The following TMEM131 variants were observed in gnomAD, a reference collection of about 807,000 sequenced individuals.
TMEM131 encodes 2610524E03Rik.
In TMEM131, 66 loss-of-function variants were observed where a neutral mutation model predicts 211.6. That is an observed-to-expected ratio of 0.31 (90% CI 0.26 to 0.38). The LOEUF is 0.38. Ranked by LOEUF, TMEM131 falls within the 10% of genes least tolerant of loss-of-function variation. TMEM131 has a pLI of 1.00. For missense variants in TMEM131, 2,036 were observed against 2,299.3 expected (o/e 0.89, Z 2.34); for synonymous variants, 844 against 841.3 (o/e 1.00, Z -0.06).
intron 4 of TMEM131, among the ~76,000 whole-genome samples, chr2:97,876,957 C>A (rs1006334368): frequency 1.3e-5 from 2 of 152,144 alleles, no homozygotes; most frequent in African/African-American, 4.8e-5. Flanking sequence ...AAAACCCCAT[C>A]GACTCAGCCC....
intron 31 of TMEM131, 53 bp downstream of exon 31, chr2:97,792,333 G>A (rs1012892882): frequency 1.1e-5 from 15 of 1,402,998 alleles, no homozygotes; most frequent in South Asian, 5.8e-5. Flanking sequence ...CCTTAAGCAC[G>A]CACTGGCTTT....
At chr2:97,889,399 A>G (rs956749783) in intron 3 of TMEM131, among the ~76,000 whole-genome samples, 3 of 152,104 alleles carry the variant, frequency 2.0e-5, no homozygotes, top group Non-Finnish European at 4.4e-5. Context: ...CTTAGATGTT[A>G]TGTAACAAAA....
At chr2:97,834,990 T>C (rs752738475) in intron 8 of TMEM131, 65 bp from the exon 9 acceptor site, 3 of 1,557,522 alleles carry the variant, frequency 1.9e-6, no homozygotes, top group Non-Finnish European at 2.6e-6. Context: ...CCATTTTTTA[T>C]TGAACTGGAT....
chr2:97,889,127 A>G (rs926602108), intron 3 of TMEM131, among the ~76,000 whole-genome samples: 12 of 152,252 alleles, frequency 7.9e-5, no homozygotes, highest in African/African-American at 2.7e-4. Context: ...AAATAATCTG[A>G]GTAGTGGAAT....
At chr2:97,818,475 G>A in intron 12 of TMEM131, 138 bp downstream of exon 12, 2 of 333,560 alleles carry the variant, frequency 6.0e-6, no homozygotes, top group Middle Eastern at 9.3e-4. Flanking sequence ...GGGGGGGGCG[G>A]GGGGGGATCA....
chr2:97,793,114 G>C (rs1180890556), intron 30 of TMEM131, 130 bp from the exon 31 acceptor site: 3 of 717,444 alleles, frequency 4.2e-6, no homozygotes, highest in Admixed American at 3.2e-5. Flanking sequence ...GCAAGAAATA[G>C]GGAAATTTCT....
intron 5 of TMEM131, among the ~76,000 whole-genome samples, chr2:97,847,120 C>A (rs1683488597): frequency 2.4e-5 from 3 of 125,830 alleles, no homozygotes; most frequent in Admixed American, 2.0e-4. Context: ...ACCCGGGAGA[C>A]AGAGGTTGCA....
chr2:97,838,820 A>C (rs1183353358), intron 7 of TMEM131, among the ~76,000 whole-genome samples: 3 of 152,156 alleles, frequency 2.0e-5, no homozygotes, highest in Non-Finnish European at 4.4e-5. Flanking sequence ...TGCATTTACC[A>C]AAGACTGATA....
At chr2:97,987,321 G>C (rs953213216) in intron 1 of TMEM131, among the ~76,000 whole-genome samples, 5 of 152,088 alleles carry the variant, frequency 3.3e-5, no homozygotes, top group Non-Finnish European at 7.3e-5. Context: ...GACCATCCTG[G>C]CCGTGAAACC....
At chr2:97,970,268 GGGA>G (rs1230796335) in intron 1 of TMEM131, among the ~76,000 whole-genome samples, 1 of 152,150 alleles carries the variant, frequency 6.6e-6, no homozygotes, top group Non-Finnish European at 1.5e-5. Flanking sequence ...CTGCTCAGTA[GGGA>G]GCATAAGGGT....
At chr2:97,966,682 G>C (rs1229706521) in intron 1 of TMEM131, among the ~76,000 whole-genome samples, 1 of 152,116 alleles carries the variant, frequency 6.6e-6, no homozygotes, top group African/African-American at 2.4e-5. Flanking sequence ...ACATGAATAT[G>C]CAACAAGAGC....
intron 1 of TMEM131, among the ~76,000 whole-genome samples, chr2:97,940,406 C>G (rs963355579): frequency 6.6e-6 from 1 of 152,142 alleles, no homozygotes; most frequent in Non-Finnish European, 1.5e-5. Flanking sequence ...TGAGTGAACT[C>G]CCATTCACTA....
intron 4 of TMEM131, among the ~76,000 whole-genome samples, chr2:97,876,419 C>T (rs1674696339): frequency 1.3e-5 from 2 of 152,176 alleles, no homozygotes; most frequent in Non-Finnish European, 2.9e-5. Flanking sequence ...AAATTTCAGG[C>T]CAATATCCCT....
chr2:97,904,796 TTC>T (rs1268895676), intron 3 of TMEM131, among the ~76,000 whole-genome samples: 7 of 151,600 alleles, frequency 4.6e-5, no homozygotes, highest in Non-Finnish European at 7.4e-5. Context: ...TTGGCTATAG[TTC>T]TTTTTTTTTT....
At chr2:97,881,723 A>AAAGGGGGGG (rs1491361818) in intron 4 of TMEM131, among the ~76,000 whole-genome samples, 3 of 65,542 alleles carry the variant, frequency 4.6e-5, no homozygotes, top group Non-Finnish European at 7.9e-5. Context: ...AAAAAAAAAA[A>AAAGGGGGGG]GGGGGGGGGG....
At chr2:97,783,380 T>C (rs1331792501) in intron 31 of TMEM131, among the ~76,000 whole-genome samples, 1 of 152,012 alleles carries the variant, frequency 6.6e-6, no homozygotes, top group African/African-American at 2.4e-5. Context: ...AAAATATAAA[T>C]AAAACAAGAT....
At chr2:97,976,202 A>C (rs1679526562) in intron 1 of TMEM131, among the ~76,000 whole-genome samples, 5 of 152,190 alleles carry the variant, frequency 3.3e-5, no homozygotes, top group Admixed American at 3.3e-4. Context: ...GGTCATAAGC[A>C]GTACAATCAG....
Position 97,757,361 on chromosome 2 carries a change from C to A in TMEM131, c.5390G>T (p.Gly1797Val). Residue 1797 changes from glycine (G) to valine (V), a missense_variant, in exon 41 of 41, where the codon GGC becomes GTC. Gly to Val is a moderately radical substitution (Grantham distance 109). Coordinates refer to ENST00000186436, the MANE Select transcript of TMEM131 (RefSeq NM_015348.2). ...TATSVLGNTS[G>V]LWSTTPFSSS... ...GCTGAATGGAGTGGTGGACCACAGG[C>A]CGCTGGTGTTACCGAGGACCGACTG... 2 of 1,607,560 alleles carry A rather than the reference C, an allele frequency of 1.2e-6. No homozygotes were observed. The highest frequency in any genetic ancestry group is 1.1e-5 in the South Asian group (1 of 90,544).
At chr2:97,818,322 A>G (rs1021547463) in intron 12 of TMEM131, among the ~76,000 whole-genome samples, 3 of 152,108 alleles carry the variant, frequency 2.0e-5, no homozygotes, top group Non-Finnish European at 4.4e-5. Context: ...ATGTGTAAAA[A>G]GGCTAGCCCA....
Sources: allele counts gnomAD v4.1 joint callset (sites outside exome capture counted in the v4.1 genomes callset), GRCh38; gene constraint gnomAD v4.1.1; transcripts MANE v1.5; gene names NCBI Gene and HGNC (gene_info 2026-07-23, HGNC 2026-07-21).